Variants in GSE1 observed in about 807,000 individuals in gnomAD.
GSE1 encodes the protein genetic suppressor element 1.
GSE1 carries 32 observed loss-of-function variants against 112.6 expected under a neutral mutation model. That is an observed-to-expected ratio of 0.28 (90% CI 0.21 to 0.38). The LOEUF is 0.38. Ranked by LOEUF, GSE1 falls within the 10% of genes least tolerant of loss-of-function variation. The pLI is 1.00. For synonymous variants in GSE1, 1,115 were observed against 735.6 expected, an observed-to-expected ratio of 1.52 and a Z score of -8.35; for missense variants, 2,348 against 1,699.2, an observed-to-expected ratio of 1.38 and a Z score of -6.71.
intron 1 of GSE1, among the ~76,000 whole-genome samples, chr16:85,557,295 G>C (rs1044554873): frequency 2.6e-5 from 4 of 152,152 alleles, no homozygotes; most frequent in African/African-American, 9.7e-5. Context: ...CAGGAAGGCT[G>C]TGCTGCGTGT....
chr16:85,591,306 C>T (rs776864983), intron 1 of GSE1, among the ~76,000 whole-genome samples: 8 of 152,202 alleles, frequency 5.3e-5, no homozygotes, highest in African/African-American at 2.4e-5. Context: ...CTCTAGTTTC[C>T]CCTCCAGTTG....
intron 1 of GSE1, among the ~76,000 whole-genome samples, chr16:85,631,436 C>G (rs2049532018): frequency 6.6e-6 from 1 of 152,244 alleles, no homozygotes. Context: ...CTCGTGGGCC[C>G]AGGGCACGGG....
At chr16:85,170,606 C>G in exon 1 of GSE1, 1 of 985,498 alleles carries the variant, frequency 1.0e-6, no homozygotes, top group Non-Finnish European at 1.2e-6. Context: ...GACAGCCGGG[C>G]GGCACCAGCA....
At chr16:85,309,806 C>T (rs1439757586) in intron 1 of GSE1, among the ~76,000 whole-genome samples, 3 of 152,214 alleles carry the variant, frequency 2.0e-5, no homozygotes, top group East Asian at 3.9e-4. Flanking sequence ...GTTGGGGTTT[C>T]GGGTGAAGGG....
At chr16:85,320,468 G>GTTGTT (rs1555561577) in intron 1 of GSE1, among the ~76,000 whole-genome samples, 3 of 151,780 alleles carry the variant, frequency 2.0e-5, no homozygotes, top group African/African-American at 7.3e-5. Flanking sequence ...GTTTTGTTTT[G>GTTGTT]TTTTTTTGTA....
At chr16:85,371,334 T>G (rs1567717670) in intron 2 of GSE1, among the ~76,000 whole-genome samples, 1 of 152,146 alleles carries the variant, frequency 6.6e-6, no homozygotes, top group African/African-American at 2.4e-5. Context: ...GGAGTGGGTC[T>G]TGGGACAGTG....
At chr16:85,202,731 G>A (rs1032987621) in intron 1 of GSE1, among the ~76,000 whole-genome samples, 5 of 152,222 alleles carry the variant, frequency 3.3e-5, no homozygotes, top group African/African-American at 1.2e-4. Flanking sequence ...CAGGCCGATC[G>A]CACCCAGCTC....
intron 2 of GSE1, among the ~76,000 whole-genome samples, chr16:85,517,608 C>T (rs889988578): frequency 5.3e-5 from 8 of 149,800 alleles, no homozygotes; most frequent in South Asian, 2.1e-4. Flanking sequence ...CTCCCCTCCC[C>T]CCGCCTGCCT....
intron 1 of GSE1, among the ~76,000 whole-genome samples, chr16:85,572,836 G>A (rs544060291): frequency 6.6e-6 from 1 of 152,300 alleles, no homozygotes; most frequent in African/African-American, 2.4e-5. Flanking sequence ...CCACTTTGGA[G>A]AACCTGCAGA....
intron 2 of GSE1, among the ~76,000 whole-genome samples, chr16:85,457,184 C>T (rs2049852730): frequency 6.6e-6 from 1 of 152,166 alleles, no homozygotes; most frequent in East Asian, 1.9e-4. Flanking sequence ...TTGCATTGCA[C>T]ATAGCCAGAT....
chr16:85,322,614 CT>C (rs34218941), intron 1 of GSE1, among the ~76,000 whole-genome samples: 33,034 of 126,138 alleles, frequency 0.26, 6,999 homozygotes, highest in African/African-American at 0.61. Flanking sequence ...CTCCATTTTG[CT>C]TTTTTTTTTT....
chr16:85,235,428 CTGTGTGTGTGTG>C (rs60860144), intron 1 of GSE1, among the ~76,000 whole-genome samples: 38 of 126,396 alleles, frequency 3.0e-4, no homozygotes, highest in South Asian at 1.4e-3. Context: ...TGGAAGGGTA[CTGTGTGTGTGTG>C]TGTGTGTGTG....
At chr16:85,246,644 C>G (rs925822092) in intron 1 of GSE1, among the ~76,000 whole-genome samples, 5 of 152,080 alleles carry the variant, frequency 3.3e-5, no homozygotes, top group African/African-American at 1.2e-4. Context: ...AGCCTGAAAT[C>G]TCAGCAGGGG....
rs140262878 is a variant in GSE1 at position 85,671,092 on chromosome 16, C to G, written c.3513C>G (p.Ser1171Arg). The G allele has an allele frequency of 2.5e-6, 4 of 1,592,288 alleles. No homozygotes were observed. The highest frequency in any genetic ancestry group is 3.4e-6 in the Non-Finnish European group (4 of 1,160,412). Residue 1171 changes from serine to arginine, a missense_variant, in exon 15 of 16, where the codon AGC becomes AGG. By Grantham distance (110) the Ser-to-Arg change is moderately radical (BLOSUM62 -1). Transcript: ENST00000253458. ...LSLTAEQLSH[S>R]VAELRSQKQK... ...TGACGGCAGAGCAGCTCTCCCACAG[C>G]GTGGCGGTGAGTTGGGAAGGGATGG...
intron 2 of GSE1, among the ~76,000 whole-genome samples, chr16:85,472,694 T>C (rs1597862015): frequency 6.6e-6 from 1 of 152,224 alleles, no homozygotes; most frequent in Admixed American, 6.5e-5. Context: ...AGTCTGACCC[T>C]GCTGCTGTCT....
intron 2 of GSE1, among the ~76,000 whole-genome samples, chr16:85,637,023 T>A (rs2050061070): frequency 6.6e-6 from 1 of 152,228 alleles, no homozygotes; most frequent in Non-Finnish European, 1.5e-5. Flanking sequence ...CATTTCTTAT[T>A]TAAAATTTTT....
In GSE1 at chr16:85,668,133, TC is replaced by T. The variant is rs771065154; in HGVS notation, c.3131-5del. ...ACACACTGATGCAAGCCCTGTCCCCTCCACAGGGAGCGTGGCTGTGCTGTCT... is the reference window on the plus strand; with the variant it reads ...ACACACTGATGCAAGCCCTGTCCCCTCACAGGGAGCGTGGCTGTGCTGTCT... On this transcript the variant is annotated splice_polypyrimidine_tract_variant and splice_region_variant and intron_variant, in intron 13 of 15. Coordinates refer to ENST00000253458, the MANE Select transcript of GSE1 (RefSeq NM_014615.5). The T allele has an allele frequency of 6.4e-7, 1 of 1,559,750 alleles. No individual in the cohort carries two copies. The highest frequency in any genetic ancestry group is 8.7e-7 in the Non-Finnish European group (1 of 1,149,058).
intron 1 of GSE1, among the ~76,000 whole-genome samples, chr16:85,195,970 G>T (rs1161119227): frequency 6.6e-6 from 1 of 152,146 alleles, no homozygotes; most frequent in Admixed American, 6.5e-5. Context: ...AGATGCTTTA[G>T]TACCGATGCT....
In GSE1 at chr16:85,480,351, C is replaced by G. The variant is rs1422415815; in HGVS notation, c.2464+122708C>G. Among the ~76,000 whole-genome samples, 5 of 152,296 alleles carry G rather than the reference C, an allele frequency of 3.3e-5. No individual in the cohort carries two copies. The South Asian group carries it at 8.3e-4, about 25-fold the overall frequency. ...TTTTCCTGGGCGACGTCTTCTGCAT[C>G]TCGCTTGCTTCCTGGCCTTGCGGCA... On this transcript the variant is annotated intron_variant, in intron 2 of 2. Transcript: ENST00000637419.
Sources: gnomAD v4.1 joint callset for allele counts (sites outside exome capture counted in the v4.1 genomes callset) on GRCh38, gnomAD v4.1.1 for gene constraint, MANE v1.5 for transcripts, NCBI Gene and HGNC (gene_info 2026-07-23, HGNC 2026-07-21) for gene names.